POU6F2: variants seen among roughly 807,000 people sequenced by gnomAD.
POU6F2 encodes the protein POU domain, class 6, transcription factor 2.
In POU6F2, 31 loss-of-function variants were observed where a neutral mutation model predicts 71.3. The observed-to-expected ratio is 0.43, with a 90% CI of 0.33 to 0.59. The LOEUF (loss-of-function observed/expected upper bound fraction) is 0.59, where lower values mean the gene tolerates loss of function less well. POU6F2 is among the 20% of genes least tolerant of loss of function. POU6F2 has a pLI of 0.04. For missense variants in POU6F2, 783 were observed against 856.8 expected, an observed-to-expected ratio of 0.91 and a Z score of 1.07; for synonymous variants, 347 against 355.7, an observed-to-expected ratio of 0.98 and a Z score of 0.27.
intron 6 of POU6F2, among the ~76,000 whole-genome samples, chr7:39,408,647 GA>G (rs1343952628): frequency 6.6e-5 from 10 of 152,020 alleles, no homozygotes; most frequent in East Asian, 1.9e-4. Flanking sequence ...TCTTAAAGTG[GA>G]AAAAAAATTA....
At chr7:39,257,438 G>A (rs765912255) in intron 4 of POU6F2, among the ~76,000 whole-genome samples, 8 of 151,986 alleles carry the variant, frequency 5.3e-5, no homozygotes, top group East Asian at 1.9e-4. Flanking sequence ...ATTCCTATTC[G>A]TATTGGTTTT....
intron 4 of POU6F2, among the ~76,000 whole-genome samples, chr7:39,336,301 C>T (rs960520595): frequency 6.6e-6 from 1 of 152,198 alleles, no homozygotes; most frequent in East Asian, 1.9e-4. Context: ...ACTGGCATCT[C>T]CTCCCCATCC....
At chr7:39,327,774 CAG>C (rs1190968376) in intron 4 of POU6F2, among the ~76,000 whole-genome samples, 1 of 150,772 alleles carries the variant, frequency 6.6e-6, no homozygotes, top group African/African-American at 2.4e-5. Context: ...ACAACAAAGA[CAG>C]TGACACCTTC....
chr7:39,308,680 C>T (rs1401135088), intron 4 of POU6F2, among the ~76,000 whole-genome samples: 3 of 152,260 alleles, frequency 2.0e-5, no homozygotes, highest in South Asian at 2.1e-4. Context: ...AGAAGTAGAA[C>T]GTCATCCAGC....
chr7:39,396,694 C>T (rs1787180200), intron 5 of POU6F2, among the ~76,000 whole-genome samples: 1 of 152,130 alleles, frequency 6.6e-6, no homozygotes, highest in Non-Finnish European at 1.5e-5. Flanking sequence ...ACCTCCTTAA[C>T]TGATGTTACT....
chr7:39,030,543 T>TATATATATGTATAC (rs1491146903), intron 1 of POU6F2, among the ~76,000 whole-genome samples: 1,513 of 87,932 alleles, frequency 0.017, 132 homozygotes, highest in East Asian at 0.05. Flanking sequence ...TATATATATA[T>TATATATATGTATAC]ACACACACAT....
intron 5 of POU6F2, among the ~76,000 whole-genome samples, chr7:39,340,454 C>T (rs1785894109): frequency 6.6e-6 from 1 of 152,150 alleles, no homozygotes; most frequent in South Asian, 2.1e-4. Flanking sequence ...AACAGTGTCT[C>T]ACCTTAAGTA....
At chr7:39,218,188 A>G (rs1421417550) in intron 4 of POU6F2, among the ~76,000 whole-genome samples, 2 of 152,128 alleles carry the variant, frequency 1.3e-5, no homozygotes, top group Non-Finnish European at 2.9e-5. Flanking sequence ...GGCTGCCACT[A>G]GACTGTCACT....
At chr7:39,296,640 T>G (rs936734189) in intron 4 of POU6F2, among the ~76,000 whole-genome samples, 1 of 152,174 alleles carries the variant, frequency 6.6e-6, no homozygotes, top group African/African-American at 2.4e-5. Context: ...GCCTGGAACC[T>G]CCTTCCTCCC....
At chr7:39,019,448 C>G (rs571935862) in intron 1 of POU6F2, among the ~76,000 whole-genome samples, 4 of 152,028 alleles carry the variant, frequency 2.6e-5, no homozygotes, top group Non-Finnish European at 5.9e-5. Flanking sequence ...CTGCTCAACG[C>G]CATATGGAAT....
rs750453573 is a variant in POU6F2, at chr7:39,093,189, A to C, written c.277+7158A>C. 8.7e-4 allele frequency among the ~76,000 whole-genome samples: 132 copies of C among 152,218 alleles called. 1 individual carries two copies. Among genetic ancestry groups the C allele is most frequent in the Admixed American group, 2.4e-3 (36 of 15,292 alleles). ...GAACAATATAACTAATAGTCAAAGC[A>C]AGTCACTATTATTGGAGGACCACAC... On this transcript the variant is annotated intron_variant, in intron 2 of 9. Transcript: ENST00000518318.
chr7:38,993,772 C>T (rs985635666), intron 1 of POU6F2, among the ~76,000 whole-genome samples: 1 of 151,954 alleles, frequency 6.6e-6, no homozygotes, highest in Non-Finnish European at 1.5e-5. Flanking sequence ...CGTAGCATTC[C>T]GTGGAAGAAG....
chr7:39,091,582 T>C (rs1267799391), intron 2 of POU6F2, among the ~76,000 whole-genome samples: 1 of 152,198 alleles, frequency 6.6e-6, no homozygotes, highest in African/African-American at 2.4e-5. Flanking sequence ...TTTTAGTCTC[T>C]TGAATGTCTT....
At chr7:39,046,320 AAG>A (rs937879605) in intron 1 of POU6F2, among the ~76,000 whole-genome samples, 292 of 151,924 alleles carry the variant, frequency 1.9e-3, no homozygotes, top group African/African-American at 6.9e-3. Context: ...TATTGAGCTG[AAG>A]AGTTTGTTAT....
chr7:39,062,719 A>T (rs143614286), intron 1 of POU6F2, among the ~76,000 whole-genome samples: 18 of 149,762 alleles, frequency 1.2e-4, no homozygotes, highest in Admixed American at 2.0e-4. Flanking sequence ...TGGTCATTGG[A>T]GGGAAACACT....
intron 1 of POU6F2, among the ~76,000 whole-genome samples, chr7:39,068,355 C>T (rs952014122): frequency 1.3e-5 from 2 of 151,982 alleles, no homozygotes; most frequent in Non-Finnish European, 2.9e-5. Flanking sequence ...TAGTTGGAAG[C>T]ACATATTAGG....
chr7:39,296,988 A>G (rs1317774775), intron 4 of POU6F2, among the ~76,000 whole-genome samples: 2 of 152,216 alleles, frequency 1.3e-5, no homozygotes, highest in Non-Finnish European at 1.5e-5. Context: ...TCAGAACAAT[A>G]TGTACAGCCC....
At chr7:39,008,452 T>C (rs2128702172) in intron 1 of POU6F2, among the ~76,000 whole-genome samples, 1 of 151,080 alleles carries the variant, frequency 6.6e-6, no homozygotes, top group African/African-American at 2.4e-5. Context: ...GTTGCGAAAA[T>C]TTTCTCCCAT....
chr7:39,251,246 C>G (rs1783910195), intron 4 of POU6F2, among the ~76,000 whole-genome samples: 1 of 152,242 alleles, frequency 6.6e-6, no homozygotes, highest in Non-Finnish European at 1.5e-5. Context: ...TTGTGATCAG[C>G]CTGGTCTGTG....
Sources: gnomAD v4.1 joint callset for allele counts (sites outside exome capture counted in the v4.1 genomes callset) on GRCh38, gnomAD v4.1.1 for gene constraint, MANE v1.5 for transcripts, NCBI Gene and HGNC (gene_info 2026-07-23, HGNC 2026-07-21) for gene names.